The following NTRK2 variants were observed in gnomAD, a reference collection of about 807,000 sequenced individuals.
NTRK2 encodes neurotrophic receptor tyrosine kinase 2.
In NTRK2, 13 loss-of-function variants were observed where a neutral mutation model predicts 94.5. The ratio of observed to expected loss-of-function variants is 0.14; its 90% CI spans 0.09 to 0.22. NTRK2 has a LOEUF of 0.22. Ranked by LOEUF, NTRK2 falls within the 10% of genes least tolerant of loss-of-function variation. The pLI, the probability that NTRK2 is intolerant of heterozygous loss-of-function variation, is 1.00. For synonymous variants in NTRK2, 372 were observed against 407.4 expected, an observed-to-expected ratio of 0.91 and a Z score of 1.05; for missense variants, 639 against 1,071.2, an observed-to-expected ratio of 0.60 and a Z score of 5.63.
At chr9:84,749,288 C>T (rs1758684623) in intron 11 of NTRK2, among the ~76,000 whole-genome samples, 1 of 152,040 alleles carries the variant, frequency 6.6e-6, no homozygotes, top group African/African-American at 2.4e-5. Flanking sequence ...GATATACTCA[C>T]AGTTAAAGTA....
chr9:84,967,247 C>G (rs892093596), intron 17 of NTRK2, among the ~76,000 whole-genome samples: 6 of 152,184 alleles, frequency 3.9e-5, no homozygotes, highest in Admixed American at 2.0e-4. Flanking sequence ...CATGCCAACA[C>G]AGAGCACACC....
In NTRK2 at chr9:84,813,019, C is replaced by T. The variant is rs908754713; in HGVS notation, c.1397-48021C>T. 39 of 1,036,148 alleles carry T rather than the reference C, an allele frequency of 3.8e-5. No individual in the cohort carries two copies. The African/African-American group carries it at 6.2e-4, about 17-fold the overall frequency. The allele number at this position is 1,036,148 out of a possible 1,614,324, so 64.2% of individuals were successfully genotyped here. A position where few individuals can be genotyped will look rare whatever the true frequency, so the allele number is the denominator to read the frequency against. On this transcript the variant is annotated intron_variant, in intron 12 of 18. Coordinates refer to ENST00000277120, the MANE Select transcript of NTRK2 (RefSeq NM_006180.6). Reference sequence around the variant, plus strand: ...TCTCTTTTCTGTACTCTAGACCACCCCTTTTCATCATTTTGCTTTTTATGT... The same window carrying T: ...TCTCTTTTCTGTACTCTAGACCACCTCTTTTCATCATTTTGCTTTTTATGT...
chr9:84,841,513 A>T (rs535647724), intron 12 of NTRK2, among the ~76,000 whole-genome samples: 27 of 152,326 alleles, frequency 1.8e-4, no homozygotes, highest in Admixed American at 1.7e-3. Context: ...CACATTGGCC[A>T]GAGTGCACCC....
chr9:84,745,761 G>A (rs976035360), intron 11 of NTRK2, among the ~76,000 whole-genome samples: 4 of 152,146 alleles, frequency 2.6e-5, no homozygotes, highest in African/African-American at 7.2e-5. Context: ...GAGAAACATC[G>A]TGAAGGTGCT....
At chr9:84,867,013 G>A (rs1015742897) in intron 13 of NTRK2, among the ~76,000 whole-genome samples, 5 of 152,202 alleles carry the variant, frequency 3.3e-5, no homozygotes, top group African/African-American at 1.2e-4. Context: ...CAGAGAGATA[G>A]AGTGTAAATC....
At chr9:84,824,484 C>T (rs1259016225) in intron 12 of NTRK2, among the ~76,000 whole-genome samples, 1 of 152,216 alleles carries the variant, frequency 6.6e-6, no homozygotes, top group South Asian at 2.1e-4. Flanking sequence ...CTCTTCTTTT[C>T]CTCTAGTAAT....
chr9:84,926,142 C>A (rs2077771858), intron 14 of NTRK2, among the ~76,000 whole-genome samples: 3 of 75,694 alleles, frequency 4.0e-5, no homozygotes, highest in Non-Finnish European at 8.9e-5. Context: ...TCCTTCCTTC[C>A]TTCCTTCCTT....
Position 84,705,011 on chromosome 9 carries a change from A to T in NTRK2, c.359+2592A>T, listed in dbSNP as rs1009687316. On this transcript the variant is annotated intron_variant, in intron 4 of 18. Transcript: ENST00000277120. ...AAATTGCACTCTTCCCTCAAATATC[A>T]ACGCAGTGGGGTGCAAGGGAGCTGA... 3.3e-5 allele frequency among the ~76,000 whole-genome samples: 5 copies of T among 152,078 alleles called. 1 individual carries two copies. Among genetic ancestry groups the T allele is most frequent in the African/African-American group, 1.2e-4 (5 of 41,416 alleles).
chr9:84,851,080 A>G (rs2074744045), intron 12 of NTRK2, among the ~76,000 whole-genome samples: 1 of 152,080 alleles, frequency 6.6e-6, no homozygotes, highest in African/African-American at 2.4e-5. Context: ...TGTCCTATGC[A>G]TTGTCCCTGA....
chr9:84,785,494 A>C (rs1431591592), intron 12 of NTRK2, among the ~76,000 whole-genome samples: 1 of 152,322 alleles, frequency 6.6e-6, no homozygotes, highest in African/African-American at 2.4e-5. Flanking sequence ...CTTGCAGTCA[A>C]GTGGCTTCCG....
chr9:84,860,179 G>C (rs1001314129), intron 12 of NTRK2, among the ~76,000 whole-genome samples: 5 of 152,102 alleles, frequency 3.3e-5, no homozygotes, highest in African/African-American at 1.2e-4. Flanking sequence ...ACTGATTTGG[G>C]GTCCATTCCC....
At chr9:84,863,742 A>G (rs1488696414) in intron 13 of NTRK2, among the ~76,000 whole-genome samples, 2 of 152,368 alleles carry the variant, frequency 1.3e-5, no homozygotes, top group East Asian at 1.9e-4. Context: ...AGGTTTTGGA[A>G]CATCAATAAT....
At chr9:84,856,973 A>G (rs2075094041) in intron 12 of NTRK2, among the ~76,000 whole-genome samples, 1 of 152,178 alleles carries the variant, frequency 6.6e-6, no homozygotes, top group South Asian at 2.1e-4. Flanking sequence ...TTCAGTACCT[A>G]CAGGGAAGGT....
At chr9:84,687,938 G>A (rs2059817128) in intron 2 of NTRK2, among the ~76,000 whole-genome samples, 1 of 152,134 alleles carries the variant, frequency 6.6e-6, no homozygotes, top group African/African-American at 2.4e-5. Flanking sequence ...GCAGGTGCAT[G>A]GACAGTTCGG....
In NTRK2 at chr9:84,738,322, C is replaced by T. The variant is rs1354308646; in HGVS notation, c.1160-3570C>T. 2.0e-5 allele frequency among the ~76,000 whole-genome samples: 3 copies of T among 148,130 alleles called. No individual in the cohort carries two copies. The East Asian group carries it at 5.8e-4, about 29-fold the overall frequency. On this transcript the variant is annotated intron_variant, in intron 9 of 18. Coordinates refer to ENST00000277120, the MANE Select transcript of NTRK2 (RefSeq NM_006180.6). Reference sequence around the variant, plus strand: ...AATTCTCTTCTTCTTGGATTTTTTTCTCATAGCTAGTGTTTGTCTTTCCTC... The same window carrying T: ...AATTCTCTTCTTCTTGGATTTTTTTTTCATAGCTAGTGTTTGTCTTTCCTC...
At position 84,709,723 on chromosome 9, in the gene NTRK2, C is replaced by T. The variant is rs75817101; in HGVS notation, c.429-914C>T. On this transcript the variant is annotated intron_variant, in intron 5 of 18. Transcript: ENST00000277120. ...TTTTAAATGGCCTCATTTAAAGGCT[C>T]ATTACCATAAATGGAATTCATCTTA... Among the ~76,000 whole-genome samples, 79 of 152,250 alleles carry T rather than the reference C, an allele frequency of 5.2e-4. 1 individual carries two copies. In the East Asian group the frequency reaches 0.014, roughly 26 times the overall value.
At chr9:84,907,388 T>C (rs1587893326) in intron 14 of NTRK2, among the ~76,000 whole-genome samples, 1 of 152,240 alleles carries the variant, frequency 6.6e-6, no homozygotes, top group Admixed American at 6.5e-5. Flanking sequence ...GTGTTGCATA[T>C]GGAATCTCAC....
At chr9:84,932,505 A>G (rs2078072345) in intron 14 of NTRK2, among the ~76,000 whole-genome samples, 1 of 152,146 alleles carries the variant, frequency 6.6e-6, no homozygotes, top group South Asian at 2.1e-4. Flanking sequence ...ATTATTATTT[A>G]CTGCAGTTTA....
chr9:84,868,580 T>C (rs1286214508), intron 14 of NTRK2, among the ~76,000 whole-genome samples: 1 of 152,130 alleles, frequency 6.6e-6, no homozygotes, highest in African/African-American at 2.4e-5. Context: ...ACAAGATAAA[T>C]AGAATAATGT....
Sources: gnomAD v4.1 joint callset for allele counts (sites outside exome capture counted in the v4.1 genomes callset) on GRCh38, gnomAD v4.1.1 for gene constraint, MANE v1.5 for transcripts, NCBI Gene and HGNC (gene_info 2026-07-23, HGNC 2026-07-21) for gene names.